The following PLEKHA8 variants were observed in gnomAD, a reference collection of about 807,000 sequenced individuals.
The protein encoded by PLEKHA8 is pleckstrin homology domain containing A8.
Under a neutral mutation model 68.2 loss-of-function variants are expected in PLEKHA8, and 36 were observed. The ratio of observed to expected loss-of-function variants is 0.53; its 90% confidence interval spans 0.40 to 0.70. PLEKHA8 has a LOEUF of 0.70. PLEKHA8 is among the 30% of genes least tolerant of loss of function. PLEKHA8 has a pLI of 0.00. For missense variants in PLEKHA8, 505 were observed against 615.4 expected (o/e 0.82, Z 1.90); for synonymous variants, 211 against 216.1 (o/e 0.98, Z 0.20).
chr7:30,084,659 T>G, downstream of PLEKHA8: 1 of 902,672 alleles, frequency 1.1e-6, no homozygotes, highest in Non-Finnish European at 1.3e-6. Flanking sequence ...TATTAAGTTC[T>G]TAAAGGTTTT....
downstream of PLEKHA8, among the ~76,000 whole-genome samples, chr7:30,087,188 T>C (rs1448218543): frequency 6.6e-6 from 1 of 152,218 alleles, no homozygotes; most frequent in African/African-American, 2.4e-5. Context: ...TGAGATCACC[T>C]TAGACAGTGA....
chr7:30,112,517 G>C (rs1323340081), intron 13 of PLEKHA8, among the ~76,000 whole-genome samples: 1 of 152,086 alleles, frequency 6.6e-6, no homozygotes, highest in African/African-American at 2.4e-5. Flanking sequence ...AGCTAAAGCA[G>C]AACTTGAGTC....
At chr7:30,103,348 T>C (rs1258952832) in intron 13 of PLEKHA8, among the ~76,000 whole-genome samples, 1 of 152,204 alleles carries the variant, frequency 6.6e-6, no homozygotes, top group East Asian at 1.9e-4. Flanking sequence ...ACACTTTAAA[T>C]GTATGAATTG....
At chr7:30,106,955 C>A (rs1174147445) in intron 13 of PLEKHA8, among the ~76,000 whole-genome samples, 1 of 152,204 alleles carries the variant, frequency 6.6e-6, no homozygotes, top group Non-Finnish European at 1.5e-5. Context: ...ACTAATCCCC[C>A]ACAGATACCA....
Position 30,082,096 on chromosome 7 carries a change from T to C in PLEKHA8, c.*3309T>C, listed in dbSNP as rs1794961793. ...GAGCTCTCACAGAATGTTGAGCCTG[T>C]GGGCCCAAGACATTGACTTCGAAGG... On this transcript the variant is annotated 3_prime_UTR_variant, in exon 14 of 14. Transcript: ENST00000449726. 2.0e-6 allele frequency: 2 copies of C among 985,252 alleles called. No homozygotes were observed. Among genetic ancestry groups the C allele is most frequent in the Non-Finnish European group, 1.2e-6 (1 of 829,892 alleles). 61.0% of individuals were successfully genotyped at this position (985,252 alleles called of 1,614,324 possible). A position where few individuals can be genotyped will look rare whatever the true frequency, so the allele number is the denominator to read the frequency against.
In PLEKHA8 at chr7:30,028,672, A is replaced by G. The variant is rs2127953529; in HGVS notation, c.-91A>G. Reference sequence around the variant, plus strand: ...CGGGAGTGGGCGTCTGGGCAGCGCCAGGCGATGGCCCTGCTGCTGGTGCTC... The same window carrying G: ...CGGGAGTGGGCGTCTGGGCAGCGCCGGGCGATGGCCCTGCTGCTGGTGCTC... On this transcript the variant is annotated 5_prime_UTR_variant, in exon 1 of 14. Coordinates refer to ENST00000449726, the MANE Select transcript of PLEKHA8 (RefSeq NM_001197026.2). 9.6e-7 allele frequency: 1 copy of G among 1,037,076 alleles called. No homozygotes were observed. Among genetic ancestry groups the G allele is most frequent in the South Asian group, 4.9e-5 (1 of 20,424 alleles). 64.2% of individuals were successfully genotyped at this position (1,037,076 alleles called of 1,614,324 possible).
chr7:30,089,217 C>T (rs1405842357), downstream of PLEKHA8, among the ~76,000 whole-genome samples: 1 of 152,172 alleles, frequency 6.6e-6, no homozygotes, highest in Non-Finnish European at 1.5e-5. Flanking sequence ...CTGGTACACA[C>T]TAATGTGGCT....
At chr7:30,046,841 C>T (rs755057934) in intron 3 of PLEKHA8, among the ~76,000 whole-genome samples, 1 of 152,104 alleles carries the variant, frequency 6.6e-6, no homozygotes, top group Non-Finnish European at 1.5e-5. Flanking sequence ...CTCCTCCTCC[C>T]TTTTTTTCTG....
intron 12 of PLEKHA8, among the ~76,000 whole-genome samples, chr7:30,066,540 G>A (rs1793859490): frequency 6.6e-6 from 1 of 152,166 alleles, no homozygotes; most frequent in South Asian, 2.1e-4. Flanking sequence ...ACATTCTTTA[G>A]AGGTCATTTT....
chr7:30,036,281 AATAGATAG>A (rs199937331), intron 1 of PLEKHA8, among the ~76,000 whole-genome samples: 3 of 152,078 alleles, frequency 2.0e-5, no homozygotes, highest in South Asian at 2.1e-4. Flanking sequence ...CAAATAAATA[AATAGATAG>A]ATAGATAGAT....
intron 13 of PLEKHA8, among the ~76,000 whole-genome samples, chr7:30,101,419 C>G (rs1196841322): frequency 9.7e-6 from 1 of 103,094 alleles, no homozygotes; most frequent in Non-Finnish European, 2.1e-5. Context: ...CAGCATGGTG[C>G]CAGAAACCGT....
chr7:30,125,059 A>C (rs1335957624), intron 13 of PLEKHA8, among the ~76,000 whole-genome samples: 1 of 152,194 alleles, frequency 6.6e-6, no homozygotes, highest in Admixed American at 6.5e-5. Flanking sequence ...TTAAATGTAC[A>C]GAAAATTAGG....
At chr7:30,113,506 G>C (rs1796335134) in intron 13 of PLEKHA8, among the ~76,000 whole-genome samples, 1 of 152,016 alleles carries the variant, frequency 6.6e-6, no homozygotes, top group South Asian at 2.1e-4. Flanking sequence ...TCTTCACTTT[G>C]TTTTGTGGTC....
In PLEKHA8 at chr7:30,078,652, T is replaced by C. The variant is rs747254204; in HGVS notation, c.1425T>C (p.Gly475=). Residue 475 remains glycine (G), a synonymous_variant, in exon 14 of 14, where the codon GGT becomes GGC. Transcript: ENST00000449726. The part of the protein sequence containing the change: ...DFVAALTVKE[G]DHQKEAFSIG... ...TGGCCGCGTTAACCGTAAAGGAAGG[T>C]GACCACCAGAAAGAAGCTTTCAGTA... 6.2e-6 allele frequency: 10 copies of C among 1,613,792 alleles called. No individual in the cohort carries two copies. The highest frequency in any genetic ancestry group is 1.6e-4 in the Middle Eastern group (1 of 6,080).
At chr7:30,122,090 CTT>C (rs915680568) in intron 13 of PLEKHA8, among the ~76,000 whole-genome samples, 5 of 152,182 alleles carry the variant, frequency 3.3e-5, no homozygotes, top group African/African-American at 1.2e-4. Context: ...CAGTGTGAAA[CTT>C]TTTGTGATTC....
chr7:30,056,834 A>G (rs1044799848), intron 9 of PLEKHA8, among the ~76,000 whole-genome samples: 64 of 145,608 alleles, frequency 4.4e-4, no homozygotes, highest in African/African-American at 1.4e-3. Flanking sequence ...TATATGTTAT[A>G]TATATATTTA....
At chr7:30,052,079 G>A (rs576638987) in intron 6 of PLEKHA8, among the ~76,000 whole-genome samples, 1 of 152,316 alleles carries the variant, frequency 6.6e-6, no homozygotes, top group African/African-American at 2.4e-5. Context: ...GTTGAGGAAA[G>A]TAAAGTGTGC....
At chr7:30,055,236 C>T in intron 8 of PLEKHA8, 21 bp from the exon 9 acceptor site, 2 of 1,606,382 alleles carry the variant, frequency 1.2e-6, no homozygotes, top group Non-Finnish European at 8.5e-7. Context: ...CTTTTCTCCT[C>T]CATATCACCA....
At chr7:30,091,937 A>G (rs1005505921), downstream of PLEKHA8, among the ~76,000 whole-genome samples, 1 of 152,250 alleles carries the variant, frequency 6.6e-6, no homozygotes, top group African/African-American at 2.4e-5. Flanking sequence ...AGAATGGAGC[A>G]GTAAACTTTA....
Sources: gnomAD v4.1 joint callset for allele counts (sites outside exome capture counted in the v4.1 genomes callset) on GRCh38, gnomAD v4.1.1 for gene constraint, MANE v1.5 for transcripts, NCBI Gene and HGNC (gene_info 2026-07-23, HGNC 2026-07-21) for gene names.